The following TRIM33 variants were observed in gnomAD, a reference collection of about 807,000 sequenced individuals.
The protein encoded by TRIM33 is tripartite motif containing 33.
A neutral mutation model predicts 125.4 loss-of-function variants in TRIM33; 20 were observed. That is an observed-to-expected ratio of 0.16 (90% CI 0.11 to 0.23). The LOEUF (loss-of-function observed/expected upper bound fraction) is 0.23, where lower values mean the gene tolerates loss of function less well. Ranked by LOEUF, TRIM33 falls within the 10% of genes least tolerant of loss-of-function variation. TRIM33 has a pLI of 1.00. For missense variants in TRIM33, 920 were observed against 1,411.4 expected (o/e 0.65, Z 5.58); for synonymous variants, 564 against 513.9 (o/e 1.10, Z -1.32).
intron 4 of TRIM33, among the ~76,000 whole-genome samples, chr1:114,460,676 AT>A (rs1649923499): frequency 6.7e-6 from 1 of 149,310 alleles, no homozygotes; most frequent in Non-Finnish European, 1.5e-5. Context: ...ATGTTAGCCA[AT>A]AAATTATTTC....
intron 11 of TRIM33, among the ~76,000 whole-genome samples, chr1:114,416,706 C>T (rs775752032): frequency 2.0e-5 from 3 of 152,200 alleles, no homozygotes; most frequent in Non-Finnish European, 2.9e-5. Context: ...GAGTCTTAAA[C>T]TTAGCTGTCT....
At chr1:114,491,549 C>G (rs114246585) in intron 1 of TRIM33, among the ~76,000 whole-genome samples, 1,566 of 152,192 alleles carry the variant, frequency 0.01, 25 homozygotes, top group African/African-American at 0.036. Flanking sequence ...AGTCTATAAT[C>G]CCAGCACTTT....
At chr1:114,485,319 C>T (rs565804279) in intron 1 of TRIM33, among the ~76,000 whole-genome samples, 18 of 151,910 alleles carry the variant, frequency 1.2e-4, no homozygotes, top group Admixed American at 1.1e-3. Context: ...AAAAAATCTC[C>T]TACTCCTCAA....
chr1:114,436,261 G>C lies in TRIM33; in HGVS notation c.924-2528C>G, dbSNP rs541294447. ...ACTAAAATACAAAAAAATTAGCCCG[G>C]CATGGTGGTGTGCACCTGTAGTCCC... On this transcript the variant is annotated intron_variant, in intron 4 of 19. Transcript: ENST00000358465. Among the ~76,000 whole-genome samples the C allele has an allele frequency of 2.0e-5, 3 of 151,532 alleles. No homozygotes were observed. In the East Asian group the frequency reaches 6.0e-4, roughly 30 times the overall value.
At chr1:114,497,237 C>T (rs1411632420) in intron 1 of TRIM33, among the ~76,000 whole-genome samples, 2 of 152,184 alleles carry the variant, frequency 1.3e-5, no homozygotes, top group Non-Finnish European at 2.9e-5. Flanking sequence ...AAAGACAATA[C>T]ATAAATGAAT....
chr1:114,509,630 G>C (rs1431841728), intron 1 of TRIM33, among the ~76,000 whole-genome samples: 3 of 152,184 alleles, frequency 2.0e-5, no homozygotes, highest in Admixed American at 2.0e-4. Context: ...AGGGTGTCCT[G>C]TGCCCTGAAT....
chr1:114,480,356 T>C (rs1651241964), intron 1 of TRIM33, among the ~76,000 whole-genome samples: 2 of 151,424 alleles, frequency 1.3e-5, no homozygotes, highest in East Asian at 3.9e-4. Flanking sequence ...GGCCGCAGGG[T>C]CCTCTGCCTA....
intron 4 of TRIM33, among the ~76,000 whole-genome samples, chr1:114,446,044 C>T (rs1437445215): frequency 6.6e-6 from 1 of 151,958 alleles, no homozygotes; most frequent in Non-Finnish European, 1.5e-5. Flanking sequence ...TTTTAGTAGA[C>T]AGGGTTTCAC....
intron 4 of TRIM33, among the ~76,000 whole-genome samples, chr1:114,438,061 C>T (rs1454280168): frequency 5.3e-5 from 8 of 152,120 alleles, no homozygotes; most frequent in Non-Finnish European, 8.8e-5. Flanking sequence ...AACATGCATA[C>T]AAATATACAT....
chr1:114,441,487 G>C (rs1417087352), intron 4 of TRIM33, among the ~76,000 whole-genome samples: 1 of 152,132 alleles, frequency 6.6e-6, no homozygotes, highest in Admixed American at 6.5e-5. Flanking sequence ...ACGTTAAGTG[G>C]CTAAACATTC....
chr1:114,510,544 G>T lies in TRIM33; in HGVS notation c.526+7C>A, dbSNP rs1456797772. The T allele has an allele frequency of 1.4e-6, 2 of 1,472,330 alleles. No individual in the cohort carries two copies. The highest frequency in any genetic ancestry group is 1.8e-6 in the Non-Finnish European group (2 of 1,113,518). The allele number at this position is 1,472,330 out of a possible 1,614,324, so 91.2% of individuals were successfully genotyped here. On this transcript the variant is annotated splice_region_variant and intron_variant, in intron 1 of 19. Coordinates refer to ENST00000358465, the MANE Select transcript of TRIM33 (RefSeq NM_015906.4). ...GGCCCAGATGCCAGGCAGGGCCTCCGGCTCACCTTGCTGGATGTCGCCGTT... is the reference window on the plus strand; with the variant it reads ...GGCCCAGATGCCAGGCAGGGCCTCCTGCTCACCTTGCTGGATGTCGCCGTT...
intron 13 of TRIM33, 122 bp downstream of exon 13, chr1:114,408,555 T>C: frequency 1.7e-6 from 1 of 602,098 alleles, no homozygotes; most frequent in Non-Finnish European, 2.9e-6. Context: ...TTGGCCATTA[T>C]TTGATCACTG....
At chr1:114,488,150 T>C (rs1651831562) in intron 1 of TRIM33, among the ~76,000 whole-genome samples, 1 of 152,130 alleles carries the variant, frequency 6.6e-6, no homozygotes, top group Admixed American at 6.5e-5. Context: ...CAAATAAACG[T>C]TGCGATATCT....
intron 4 of TRIM33, among the ~76,000 whole-genome samples, chr1:114,449,757 G>A (rs978013966): frequency 4.6e-5 from 7 of 151,990 alleles, no homozygotes; most frequent in Non-Finnish European, 7.4e-5. Flanking sequence ...TGCTGCAATC[G>A]CTAATGTTTC....
chr1:114,508,139 A>C (rs1161586129), intron 1 of TRIM33, among the ~76,000 whole-genome samples: 1 of 152,102 alleles, frequency 6.6e-6, no homozygotes, highest in Non-Finnish European at 1.5e-5. Context: ...TTTAATCAAA[A>C]ACATGGTGGA....
chr1:114,402,488 C>G lies in TRIM33; in HGVS notation c.2892+272G>C, dbSNP rs61281964. Among the ~76,000 whole-genome samples, 1,351 of 151,906 alleles carry G rather than the reference C, an allele frequency of 8.9e-3. 20 individuals are homozygous for G. Among genetic ancestry groups the G allele is most frequent in the African/African-American group, 0.031 (1,277 of 41,424 alleles). On this transcript the variant is annotated intron_variant, in intron 16 of 19. Transcript: ENST00000358465. ...GGGGGAGGAATACAGTTTTTTATGT[C>G]GTTATTTGCTTGGTTTTGTGCTTGG...
At chr1:114,420,530 G>A (rs1383423408) in intron 11 of TRIM33, 2 of 722,628 alleles carry the variant, frequency 2.8e-6, no homozygotes, top group East Asian at 1.0e-4. Flanking sequence ...CTTCTGTTTA[G>A]ATATTCCCAT....
chr1:114,464,214 T>C, intron 2 of TRIM33, 56 bp downstream of exon 2: 1 of 917,300 alleles, frequency 1.1e-6, no homozygotes, highest in Non-Finnish European at 1.7e-6. Flanking sequence ...ATGTTTTTCT[T>C]ATAACTTACA....
At chr1:114,416,568 ATT>A (rs1652955770) in intron 11 of TRIM33, among the ~76,000 whole-genome samples, 1 of 152,190 alleles carries the variant, frequency 6.6e-6, no homozygotes, top group African/African-American at 2.4e-5. Context: ...CCCTCAAGCC[ATT>A]GCATATACCA....
Sources: gnomAD v4.1 joint callset for allele counts (sites outside exome capture counted in the v4.1 genomes callset) on GRCh38, gnomAD v4.1.1 for gene constraint, MANE v1.5 for transcripts, NCBI Gene and HGNC (gene_info 2026-07-23, HGNC 2026-07-21) for gene names.